Variants in ARSK observed in about 807,000 individuals in gnomAD.
ARSK encodes arylsulfatase K.
Under a neutral mutation model 53.2 loss-of-function variants are expected in ARSK, and 37 were observed. The ratio of observed to expected loss-of-function variants is 0.70; its 90% CI spans 0.54 to 0.92. The LOEUF is 0.92. ARSK is among the 40% of genes least tolerant of loss of function. The pLI is 0.00. For synonymous variants in ARSK, 208 were observed against 223.2 expected, an observed-to-expected ratio of 0.93 and a Z score of 0.61; for missense variants, 613 against 643.0, an observed-to-expected ratio of 0.95 and a Z score of 0.51.
intron 1 of ARSK, among the ~76,000 whole-genome samples, chr5:95,560,416 G>GA (rs1442585597): frequency 1.3e-5 from 2 of 151,486 alleles, no homozygotes; most frequent in African/African-American, 4.9e-5. Context: ...AAAGTTGAAA[G>GA]ACATACACCT....
chr5:95,603,650 C>A lies in ARSK; in HGVS notation c.*124C>A. 2.3e-6 allele frequency: 2 copies of A among 856,502 alleles called. No individual in the cohort carries two copies. Among genetic ancestry groups the A allele is most frequent in the Non-Finnish European group, 3.3e-6 (2 of 601,450 alleles). The allele number at this position is 856,502 out of a possible 1,614,324, so 53.1% of individuals were successfully genotyped here. On this transcript the variant is annotated 3_prime_UTR_variant, in exon 8 of 8. Transcript: ENST00000380009. ...TTTGGCCGGGCACAGTGGCTCACAC[C>A]TGTAATCCCAGGACTTTGGGAGGCT...
chr5:95,571,768 A>G (rs1748835551), intron 3 of ARSK, among the ~76,000 whole-genome samples: 1 of 152,228 alleles, frequency 6.6e-6, no homozygotes, highest in South Asian at 2.1e-4. Context: ...TGAGCGCTGT[A>G]TGTACCCACA....
intron 3 of ARSK, among the ~76,000 whole-genome samples, chr5:95,572,714 C>T (rs1022699819): frequency 1.3e-5 from 2 of 151,948 alleles, no homozygotes; most frequent in African/African-American, 2.4e-5. Context: ...GGAGGCGGAG[C>T]TTGCAGCGAG....
intron 6 of ARSK, among the ~76,000 whole-genome samples, chr5:95,594,656 A>G (rs539201405): frequency 6.6e-6 from 1 of 152,306 alleles, no homozygotes; most frequent in East Asian, 1.9e-4. Flanking sequence ...CCTGGCTAAC[A>G]TGGTGAAATC....
intron 5 of ARSK, among the ~76,000 whole-genome samples, chr5:95,589,219 G>A (rs926866794): frequency 5.3e-5 from 8 of 152,052 alleles, no homozygotes; most frequent in Admixed American, 6.6e-5. Context: ...CTAATTATTC[G>A]TCTGTTTACC....
chr5:95,603,714 C>G lies in ARSK; in HGVS notation c.*188C>G. 3 of 405,954 alleles carry G rather than the reference C, an allele frequency of 7.4e-6. No individual in the cohort carries two copies. The highest frequency in any genetic ancestry group is 1.3e-5 in the Non-Finnish European group (3 of 238,856). The allele number at this position is 405,954 out of a possible 1,614,324, so 25.1% of individuals were successfully genotyped here. ...CACAAGGTCAAGAGATTGAGACCAT[C>G]CTGGCCAACATGGTGAAACCCTGTC... On this transcript the variant is annotated 3_prime_UTR_variant, in exon 8 of 8. Transcript: ENST00000380009.
intron 6 of ARSK, 140 bp from the exon 7 acceptor site, chr5:95,600,707 C>A (rs1267144311): frequency 1.1e-6 from 1 of 877,920 alleles, no homozygotes; most frequent in African/African-American, 1.7e-5. Context: ...TTTTGGCAGC[C>A]TGTTTACAAA....
Position 95,591,595 on chromosome 5 carries a change from T to A in ARSK, c.1066T>A (p.Ser356Thr), listed in dbSNP as rs1749218074. The A allele has an allele frequency of 1.2e-6, 2 of 1,614,020 alleles. No homozygotes were observed. Among genetic ancestry groups the A allele is most frequent in the Admixed American group, 1.7e-5 (1 of 59,994 alleles). The change falls in exon 6 of 8, where the codon TCT (serine) becomes ACT (threonine). Residue 356 changes from serine to threonine, a missense_variant. Ser to Thr is a moderately conservative substitution (Grantham distance 58). Transcript: ENST00000380009. ...KAGLQVSNVV[S>T]LVDIYPTMLD... ...CGGCCTACAAGTATCAAATGTGGTT[T>A]CTCTTGTGGATATTTACCCTACCAT... is the stretch of plus-strand genomic sequence containing the variant.
rs1490667361 is a variant in ARSK, at chr5:95,555,390, G to T, written c.112G>T (p.Val38Leu). The change falls in exon 1 of 8, where the codon GTG becomes TTG. Residue 38 changes from valine to leucine, a missense_variant. By Grantham distance (32) the Val-to-Leu change is conservative. Transcript: ENST00000380009. The surrounding 1 kb of genome is among the most constrained non-coding windows in gnomAD (Gnocchi z 4.0). ...CAAAGCGCCCAATGTGGTGCTGGTC[G>T]TGAGCGACTCCTTCGTAAGTACCGC... ...AAKAPNVVLVVSDSFDGRLTF... is the reference protein window; with the variant it reads ...AAKAPNVVLVLSDSFDGRLTF... 1.9e-6 allele frequency: 3 copies of T among 1,607,302 alleles called. No homozygotes were observed. The highest frequency in any genetic ancestry group is 1.7e-6 in the Non-Finnish European group (2 of 1,176,768).
At chr5:95,572,185 G>A (rs1748843521) in intron 3 of ARSK, among the ~76,000 whole-genome samples, 1 of 152,082 alleles carries the variant, frequency 6.6e-6, no homozygotes, top group African/African-American at 2.4e-5. Flanking sequence ...GGATCGCTAT[G>A]GGCTGCACAG....
In ARSK at chr5:95,583,125, C is replaced by T; in HGVS notation, c.626C>T (p.Pro209Leu). Residue 209 changes from proline (P) to leucine (L), a missense_variant, in exon 4 of 8, where the codon CCT (proline) becomes CTT (leucine). Transcript: ENST00000380009. ...TACTTGGGATTAAATTTACCACACC[C>T]TTACCCTTCACCATCTTCTGGAGAA... ...VIYLGLNLPH[P>L]YPSPSSGENF... is the part of the protein sequence containing the mutation. The T allele has an allele frequency of 1.9e-6, 3 of 1,610,408 alleles. No homozygotes were observed. The highest frequency in any genetic ancestry group is 2.5e-6 in the Non-Finnish European group (3 of 1,177,394).
In ARSK at chr5:95,586,658, A is replaced by G. The variant is rs183499702; in HGVS notation, c.796A>G (p.Arg266Gly). The change falls in exon 5 of 8, where the codon AGA becomes GGA. Residue 266 changes from arginine (R) to glycine (G), a missense_variant. Arg to Gly is a moderately radical substitution (Grantham distance 125). Transcript: ENST00000380009. ...TTCTTATACAAAAAACTGCACTGGA[A>G]GATTTACAAAAAAAGAAATTAAGAA... ...YSSYTKNCTG[R>G]FTKKEIKNIR... 1 of 1,611,758 alleles carries G rather than the reference A, an allele frequency of 6.2e-7. No individual in the cohort carries two copies. Among genetic ancestry groups the G allele is most frequent in the African/African-American group, 1.3e-5 (1 of 74,962 alleles).
At chr5:95,595,282 T>G (rs1024240585) in intron 6 of ARSK, among the ~76,000 whole-genome samples, 2 of 152,176 alleles carry the variant, frequency 1.3e-5, no homozygotes, top group Non-Finnish European at 2.9e-5. Context: ...TGGAGATTTC[T>G]CAAAGAACTT....
chr5:95,597,144 G>A (rs927005932), intron 6 of ARSK, among the ~76,000 whole-genome samples: 12 of 151,994 alleles, frequency 7.9e-5, no homozygotes, highest in Non-Finnish European at 1.6e-4. Flanking sequence ...AAGGTGTCTC[G>A]TTTTGTAGTT....
At chr5:95,559,386 G>A (rs1457552763) in intron 1 of ARSK, among the ~76,000 whole-genome samples, 1 of 152,176 alleles carries the variant, frequency 6.6e-6, no homozygotes, top group Admixed American at 6.5e-5. Flanking sequence ...GGGTTCCACA[G>A]GGCTGACTGT....
At position 95,567,879 on chromosome 5, in the gene ARSK, T is replaced by C. The variant is rs1469050645; in HGVS notation, c.257-11T>C. The C allele has an allele frequency of 6.3e-7, 1 of 1,577,898 alleles. No individual in the cohort carries two copies. Among genetic ancestry groups the C allele is most frequent in the African/African-American group, 1.4e-5 (1 of 72,436 alleles). On this transcript the variant is annotated splice_polypyrimidine_tract_variant and intron_variant, in intron 2 of 7. Coordinates refer to ENST00000380009, the MANE Select transcript of ARSK (RefSeq NM_198150.3). The stretch of plus-strand genomic sequence containing the variant: ...TACCTTAATCCCAATTCCTTTTTTT[T>C]TTTTTCTCAGCAATGTGGAGTGGCC...
At chr5:95,572,184 T>A (rs1343062743) in intron 3 of ARSK, among the ~76,000 whole-genome samples, 1 of 152,172 alleles carries the variant, frequency 6.6e-6, no homozygotes, top group African/African-American at 2.4e-5. Flanking sequence ...AGGATCGCTA[T>A]GGGCTGCACA....
At chr5:95,593,852 C>T (rs1749257879) in intron 6 of ARSK, among the ~76,000 whole-genome samples, 1 of 152,030 alleles carries the variant, frequency 6.6e-6, no homozygotes, top group Non-Finnish European at 1.5e-5. Context: ...TTCTCTAAAA[C>T]TATAGTTTTA....
At chr5:95,592,202 A>G (rs189641938) in intron 6 of ARSK, among the ~76,000 whole-genome samples, 5 of 152,348 alleles carry the variant, frequency 3.3e-5, no homozygotes, top group African/African-American at 1.2e-4. Context: ...TCTAGTTTCT[A>G]TCTCATTTAG....
Sources: allele counts gnomAD v4.1 joint callset (sites outside exome capture counted in the v4.1 genomes callset), GRCh38; gene constraint gnomAD v4.1.1; non-coding constraint Gnocchi (gnomAD v3.1); transcripts MANE v1.5; gene names NCBI Gene and HGNC (gene_info 2026-07-23, HGNC 2026-07-21).